The following FRMD4B variants were observed in gnomAD, a reference collection of about 807,000 sequenced individuals.
FRMD4B encodes the protein FERM domain containing 4B, also known as FERM domain-containing protein 4B.
A neutral mutation model predicts 141.5 loss-of-function variants in FRMD4B; 74 were observed. The ratio of observed to expected loss-of-function variants is 0.52; its 90% CI spans 0.43 to 0.63. FRMD4B has a LOEUF of 0.63. Ranked by LOEUF, FRMD4B falls within the 30% of genes least tolerant of loss-of-function variation. The probability of loss-of-function intolerance (pLI) is 0.00; values close to 1 mark genes in which losing one functional copy is unlikely to be tolerated. For missense variants in FRMD4B, 1,366 were observed against 1,253.4 expected (o/e 1.09, Z -1.36); for synonymous variants, 506 against 467.9 (o/e 1.08, Z -1.05).
chr3:69,457,774 GC>G, intron 1 of FRMD4B, among the ~76,000 whole-genome samples: 1 of 152,214 alleles, frequency 6.6e-6, no homozygotes, highest in Non-Finnish European at 1.5e-5. Context: ...GCCGACCCTT[GC>G]GCCCACAATC....
intron 3 of FRMD4B, among the ~76,000 whole-genome samples, chr3:69,307,286 A>T (rs751830096): frequency 6.6e-5 from 10 of 152,172 alleles, no homozygotes; most frequent in Non-Finnish European, 1.3e-4. Context: ...TGAGAAAGAA[A>T]TCTCAGGGCA....
chr3:69,337,031 C>T (rs1396452721), intron 1 of FRMD4B, among the ~76,000 whole-genome samples: 1 of 152,150 alleles, frequency 6.6e-6, no homozygotes, highest in South Asian at 2.1e-4. Flanking sequence ...GAAAATGTGG[C>T]ACCACGCTAC....
In FRMD4B at chr3:69,187,683, T is replaced by C. The variant is rs1171009409; in HGVS notation, c.1919+87A>G. ...TTTTGGAAGGATAAATAAAAACATG[T>C]GAAAATGTATCAACCATACATTGCA... On this transcript the variant is annotated intron_variant, in intron 19 of 22. Transcript: ENST00000398540. 2.5e-6 allele frequency: 3 copies of C among 1,223,384 alleles called. No homozygotes were observed. In the African/African-American group the frequency reaches 4.6e-5, roughly 19 times the overall value. The allele number at this position is 1,223,384 out of a possible 1,614,324, so 75.8% of individuals were successfully genotyped here.
intron 1 of FRMD4B, among the ~76,000 whole-genome samples, chr3:69,490,617 C>T (rs901081785): frequency 2.0e-5 from 3 of 152,178 alleles, no homozygotes; most frequent in Admixed American, 2.0e-4. Flanking sequence ...CACCACCTAC[C>T]TCTCACTGTA....
intron 1 of FRMD4B, among the ~76,000 whole-genome samples, chr3:69,353,960 A>G (rs1703240496): frequency 6.6e-6 from 1 of 152,248 alleles, no homozygotes. Flanking sequence ...TAGGTTGGGT[A>G]ATTATTCAGA....
At chr3:69,414,062 T>C (rs1227305894) in intron 2 of FRMD4B, among the ~76,000 whole-genome samples, 1 of 152,158 alleles carries the variant, frequency 6.6e-6, no homozygotes, top group Non-Finnish European at 1.5e-5. Flanking sequence ...GGCATGTTCC[T>C]CAAAACACAT....
At chr3:69,361,324 T>G (rs1703465447) in intron 1 of FRMD4B, among the ~76,000 whole-genome samples, 3 of 152,200 alleles carry the variant, frequency 2.0e-5, no homozygotes, top group Non-Finnish European at 4.4e-5. Context: ...GATAAAAAGA[T>G]GCTCATCTTG....
At chr3:69,263,435 C>T (rs1398944964) in intron 5 of FRMD4B, among the ~76,000 whole-genome samples, 1 of 110,606 alleles carries the variant, frequency 9.0e-6, no homozygotes, top group Non-Finnish European at 1.7e-5. Flanking sequence ...CAGGGTCTTG[C>T]TCTCTTGCTC....
At chr3:69,178,784 T>G (rs2092675779) in intron 21 of FRMD4B, among the ~76,000 whole-genome samples, 1 of 150,426 alleles carries the variant, frequency 6.6e-6, no homozygotes, top group Admixed American at 6.6e-5. Flanking sequence ...GTAGCCAGAG[T>G]TGCCTAAGCT....
At chr3:69,277,859 C>CTTT (rs57048532) in intron 5 of FRMD4B, among the ~76,000 whole-genome samples, 1 of 147,630 alleles carries the variant, frequency 6.8e-6, no homozygotes, top group Non-Finnish European at 1.5e-5. Flanking sequence ...TTCTTTCTTT[C>CTTT]TTTTTTTTTT....
At chr3:69,521,048 T>G (rs1263205056) in intron 1 of FRMD4B, among the ~76,000 whole-genome samples, 2 of 152,184 alleles carry the variant, frequency 1.3e-5, no homozygotes, top group African/African-American at 4.8e-5. Flanking sequence ...CTGGATCTTA[T>G]GGGGAGTTTC....
intron 1 of FRMD4B, among the ~76,000 whole-genome samples, chr3:69,313,959 GAA>G (rs1332944764): frequency 6.7e-6 from 1 of 148,648 alleles, no homozygotes; most frequent in Non-Finnish European, 1.5e-5. Context: ...CTAACACGGT[GAA>G]ACCCCGTCTC....
chr3:69,243,294 C>G (rs2093400439), intron 7 of FRMD4B, among the ~76,000 whole-genome samples: 1 of 151,052 alleles, frequency 6.6e-6, no homozygotes, highest in African/African-American at 2.5e-5. Flanking sequence ...CGGCAGGAAA[C>G]AAAATAAAAA....
intron 9 of FRMD4B, among the ~76,000 whole-genome samples, chr3:69,221,080 A>AGCTTCTCG (rs1221602028): frequency 4.0e-5 from 6 of 151,772 alleles, no homozygotes; most frequent in African/African-American, 1.5e-4. Flanking sequence ...TTCCTGCCTC[A>AGCTTCTCG]GCTTCTCGAG....
chr3:69,342,981 G>A (rs890771669), intron 1 of FRMD4B, among the ~76,000 whole-genome samples: 17 of 152,016 alleles, frequency 1.1e-4, no homozygotes, highest in African/African-American at 3.6e-4. Context: ...ACAGGGTCTC[G>A]CTCTGTCACC....
intron 5 of FRMD4B, among the ~76,000 whole-genome samples, chr3:69,252,307 A>G (rs1475203713): frequency 2.6e-5 from 4 of 152,238 alleles, no homozygotes; most frequent in African/African-American, 9.6e-5. Context: ...ACAGCTCCAG[A>G]AGAGTGGGGA....
intron 1 of FRMD4B, among the ~76,000 whole-genome samples, chr3:69,461,875 C>A (rs997689369): frequency 6.6e-6 from 1 of 152,072 alleles, no homozygotes. Flanking sequence ...TCAAAAGTGT[C>A]CCGTTTGGAT....
intron 14 of FRMD4B, among the ~76,000 whole-genome samples, chr3:69,195,604 T>C (rs570058860): frequency 6.6e-6 from 1 of 152,288 alleles, no homozygotes; most frequent in South Asian, 2.1e-4. Context: ...GGGGTAATGA[T>C]AAAATGCTTA....
intron 7 of FRMD4B, 115 bp from the exon 8 acceptor site, chr3:69,224,805 C>G: frequency 4.6e-6 from 3 of 652,582 alleles, no homozygotes; most frequent in Middle Eastern, 3.0e-4. Flanking sequence ...TTGGAGCCAA[C>G]ATACACATGG....
Sources: gnomAD v4.1 joint callset for allele counts (sites outside exome capture counted in the v4.1 genomes callset) on GRCh38, gnomAD v4.1.1 for gene constraint, MANE v1.5 for transcripts, NCBI Gene and HGNC (gene_info 2026-07-23, HGNC 2026-07-21) for gene names.